HEMK2: variants seen among roughly 807,000 people sequenced by gnomAD.
The protein encoded by HEMK2 is HemK methyltransferase 2, ETF1 glutamine and histone H4 lysine.
the HEMK2 span, chr21:28,671,161 C>A: frequency 6.6e-6 from 1 of 152,206 alleles, no homozygotes; most frequent in African/African-American, 2.4e-5. Context: ...CTGCAGCCAG[C>A]TTTGGATCTT....
At chr21:28,613,046 C>T in the HEMK2 span, among the ~76,000 whole-genome samples, 4 of 151,654 alleles carry the variant, frequency 2.6e-5, no homozygotes, top group Non-Finnish European at 5.9e-5. Flanking sequence ...TTCAAATGCC[C>T]ATCAATTAAC....
At chr21:28,632,295 T>A in the HEMK2 span, among the ~76,000 whole-genome samples, 1 of 152,228 alleles carries the variant, frequency 6.6e-6, no homozygotes, top group African/African-American at 2.4e-5. Flanking sequence ...ATTGTAGAAA[T>A]CAGTGTGTCT....
chr21:28,804,510 G>A, the HEMK2 span, among the ~76,000 whole-genome samples: 2 of 152,148 alleles, frequency 1.3e-5, no homozygotes, highest in African/African-American at 4.8e-5. Flanking sequence ...TGAGGCAAGA[G>A]GATCGTTTGA....
the HEMK2 span, among the ~76,000 whole-genome samples, chr21:28,663,104 C>T: frequency 6.6e-6 from 1 of 152,138 alleles, no homozygotes; most frequent in Non-Finnish European, 1.5e-5. Context: ...AGAGAATACA[C>T]AAAGAATAAT....
chr21:28,665,334 CTTTTTTTTTTTT>C, the HEMK2 span, among the ~76,000 whole-genome samples: 2 of 36,680 alleles, frequency 5.5e-5, no homozygotes, highest in African/African-American at 1.3e-4. Context: ...ATTTATATTT[CTTTTTTTTTTTT>C]TTTTTTTTTT....
the HEMK2 span, among the ~76,000 whole-genome samples, chr21:28,702,329 A>G: frequency 6.6e-6 from 1 of 152,088 alleles, no homozygotes; most frequent in South Asian, 2.1e-4. Flanking sequence ...AAATTGACAA[A>G]TGTGACCTAA....
the HEMK2 span, among the ~76,000 whole-genome samples, chr21:28,710,644 G>A: frequency 6.6e-6 from 1 of 152,142 alleles, no homozygotes; most frequent in East Asian, 1.9e-4. Flanking sequence ...AGCCAGTGCT[G>A]GGGAGTGAGG....
At chr21:28,722,830 G>C in the HEMK2 span, among the ~76,000 whole-genome samples, 1 of 152,182 alleles carries the variant, frequency 6.6e-6, no homozygotes, top group Non-Finnish European at 1.5e-5. Context: ...GTTGTGGTGA[G>C]CCAAGGTCGC....
chr21:28,631,482 A>T, the HEMK2 span, among the ~76,000 whole-genome samples: 1 of 152,156 alleles, frequency 6.6e-6, no homozygotes, highest in Non-Finnish European at 1.5e-5. Context: ...GTGGTCTTGG[A>T]TGAGATCTGG....
the HEMK2 span, among the ~76,000 whole-genome samples, chr21:28,856,408 T>A: frequency 6.7e-6 from 1 of 150,242 alleles, no homozygotes; most frequent in African/African-American, 2.5e-5. Flanking sequence ...AGAGCAAGAC[T>A]CCATCTCAAA....
the HEMK2 span, among the ~76,000 whole-genome samples, chr21:28,783,477 A>G: frequency 0.36 from 54,540 of 152,176 alleles, 12,092 homozygotes; most frequent in African/African-American, 0.63. Context: ...GAGCCACTGC[A>G]CCCACCTTAA....
the HEMK2 span, among the ~76,000 whole-genome samples, chr21:28,614,302 T>A: frequency 6.6e-6 from 1 of 152,062 alleles, no homozygotes; most frequent in East Asian, 1.9e-4. Flanking sequence ...TCTGGTGGGT[T>A]TTTTTTTAAG....
At chr21:28,580,971 T>G in the HEMK2 span, among the ~76,000 whole-genome samples, 2 of 152,132 alleles carry the variant, frequency 1.3e-5, no homozygotes, top group African/African-American at 4.8e-5. Context: ...AATGATGAAT[T>G]TACCCACACC....
chr21:28,730,213 CA>C, the HEMK2 span, among the ~76,000 whole-genome samples: 1 of 105,314 alleles, frequency 9.5e-6, no homozygotes, highest in African/African-American at 6.0e-5. Context: ...CCCCCATTGC[CA>C]CAAAAAAAAA....
At chr21:28,883,074 G>T in the HEMK2 span, 1 of 1,560,844 alleles carries the variant, frequency 6.4e-7, no homozygotes, top group Non-Finnish European at 8.7e-7. Context: ...TTTCCACTCT[G>T]AAAAAAAAAT....
the HEMK2 span, among the ~76,000 whole-genome samples, chr21:28,834,343 G>A: frequency 1.3e-5 from 2 of 152,150 alleles, no homozygotes; most frequent in African/African-American, 4.8e-5. Context: ...CCCCAACCTT[G>A]GAAGCAGAAA....
At chr21:28,878,247 A>G in the HEMK2 span, 1 of 1,606,188 alleles carries the variant, frequency 6.2e-7, no homozygotes, top group Non-Finnish European at 8.5e-7. Context: ...GTGAAAGGAG[A>G]TCTGGAACCA....
At chr21:28,825,029 A>G in the HEMK2 span, among the ~76,000 whole-genome samples, 11 of 152,158 alleles carry the variant, frequency 7.2e-5, no homozygotes, top group African/African-American at 2.4e-4. Context: ...TGCTTTGAAG[A>G]TCTATGCAGG....
At chr21:28,782,219 T>C in the HEMK2 span, among the ~76,000 whole-genome samples, 1 of 152,216 alleles carries the variant, frequency 6.6e-6, no homozygotes, top group Non-Finnish European at 1.5e-5. Flanking sequence ...ATTTTAATTA[T>C]TTTAGTTGAC....
Sources: allele counts gnomAD v4.1 joint callset (sites outside exome capture counted in the v4.1 genomes callset), GRCh38; gene constraint gnomAD v4.1.1; transcripts MANE v1.5; gene names NCBI Gene and HGNC (gene_info 2026-07-23, HGNC 2026-07-21).